The following SPSB1 variants were observed in gnomAD, a reference collection of about 807,000 sequenced individuals.
SPSB1 encodes the protein splA/ryanodine receptor domain and SOCS box containing 1, also known as SPRY domain-containing SOCS box protein 1.
SPSB1 carries 8 observed loss-of-function variants against 21.2 expected under a neutral mutation model. The observed-to-expected ratio is 0.38, with a 90% CI of 0.22 to 0.68. The LOEUF (loss-of-function observed/expected upper bound fraction) is 0.68. Among genes scored for constraint, SPSB1 ranks in the 30% least tolerant of loss-of-function variants. The pLI, the probability that SPSB1 is intolerant of heterozygous loss-of-function variation, is 0.53. For synonymous variants in SPSB1, 169 were observed against 161.7 expected (o/e 1.05, Z -0.34); for missense variants, 242 against 377.8 (o/e 0.64, Z 2.98).
chr1:9,351,023 C>T (rs928903515), intron 1 of SPSB1, among the ~76,000 whole-genome samples: 2 of 152,216 alleles, frequency 1.3e-5, no homozygotes, highest in Non-Finnish European at 2.9e-5. Flanking sequence ...GTGGTACACA[C>T]CCCCTGTCCT....
At position 9,324,460 on chromosome 1, in the gene SPSB1, A is replaced by G. The variant is rs996964350; in HGVS notation, c.-149-31283A>G. ...GGGTGCACATCCCTGGCTGTCCTCC[A>G]TGGTGTCTCTCTGTGCCCAGCCTCT... On this transcript the variant is annotated intron_variant, in intron 1 of 2. Transcript: ENST00000328089. This position sits in a 1 kb window ranked among gnomAD's most constrained non-coding sequence, Gnocchi z 4.3. 2.0e-5 allele frequency among the ~76,000 whole-genome samples: 3 copies of G among 151,544 alleles called. No homozygotes were observed. Among genetic ancestry groups the G allele is most frequent in the African/African-American group, 7.3e-5 (3 of 41,230 alleles).
chr1:9,318,998 G>A (rs937781303), intron 1 of SPSB1, among the ~76,000 whole-genome samples: 4 of 95,386 alleles, frequency 4.2e-5, no homozygotes, highest in Admixed American at 2.1e-4. Flanking sequence ...GCAACATGGC[G>A]AAACCTGTCT....
At chr1:9,294,512 G>A (rs1007851146) in intron 1 of SPSB1, 37 of 152,244 alleles carry the variant, frequency 2.4e-4, no homozygotes, top group African/African-American at 6.8e-4. Context: ...TGCCCCCGAG[G>A]AGAGCGCAGG....
At chr1:9,295,003 G>T (rs1639194418) in intron 1 of SPSB1, among the ~76,000 whole-genome samples, 1 of 152,280 alleles carries the variant, frequency 6.6e-6, no homozygotes. Context: ...CACAGCCAGG[G>T]CTGTGGACCA....
chr1:9,352,920 G>C (rs1171663020), intron 1 of SPSB1, among the ~76,000 whole-genome samples: 1 of 143,752 alleles, frequency 7.0e-6, no homozygotes, highest in African/African-American at 2.5e-5. Context: ...ACGAGATCCC[G>C]GGAGAAAGGT....
intron 1 of SPSB1, among the ~76,000 whole-genome samples, chr1:9,328,595 A>C (rs9651158): frequency 0.084 from 12,839 of 152,246 alleles, 1,618 homozygotes; most frequent in African/African-American, 0.27. Flanking sequence ...GGTAACCCAG[A>C]GGCTGATGAG....
At chr1:9,319,236 G>A (rs867222483) in intron 1 of SPSB1, among the ~76,000 whole-genome samples, 1 of 152,184 alleles carries the variant, frequency 6.6e-6, no homozygotes, top group Admixed American at 6.5e-5. Context: ...CCTGGGAAGT[G>A]GGGGGACCAG....
chr1:9,362,688 G>A (rs1161205441), intron 2 of SPSB1, among the ~76,000 whole-genome samples: 2 of 152,246 alleles, frequency 1.3e-5, no homozygotes, highest in Non-Finnish European at 1.5e-5. Context: ...ATCTCTCGGG[G>A]AACAGTGAGA....
chr1:9,306,927 C>T (rs201679038), intron 1 of SPSB1, among the ~76,000 whole-genome samples: 6 of 32,756 alleles, frequency 1.8e-4, no homozygotes, highest in African/African-American at 4.6e-4. Context: ...TTCTTCTTTT[C>T]TTCTTTTTTT....
chr1:9,292,985 G>T lies in SPSB1; in HGVS notation c.-236G>T. The stretch of plus-strand genomic sequence containing the variant: ...GGGGCCGGGGCCGCGGGGAGGAGGC[G>T]ACTTCGCTCCCTGCGGCGGGCGCGG... On this transcript the variant is annotated 5_prime_UTR_variant, in exon 1 of 3. Transcript: ENST00000328089. The T allele has an allele frequency of 1.0e-6, 1 of 983,206 alleles. No individual in the cohort carries two copies. Among genetic ancestry groups the T allele is most frequent in the South Asian group, 4.6e-5 (1 of 21,690 alleles). The allele number at this position is 983,206 out of a possible 1,614,324, so 60.9% of individuals were successfully genotyped here. A position where few individuals can be genotyped will look rare whatever the true frequency, so the allele number is the denominator to read the frequency against.
intron 1 of SPSB1, among the ~76,000 whole-genome samples, chr1:9,330,050 T>C (rs1342753330): frequency 1.3e-5 from 2 of 152,224 alleles, no homozygotes; most frequent in Non-Finnish European, 2.9e-5. Context: ...ATGGGTCTCT[T>C]ACCTCCATTC....
intron 1 of SPSB1, chr1:9,339,242 A>G: frequency 1.0e-6 from 1 of 985,280 alleles, no homozygotes; most frequent in Non-Finnish European, 1.2e-6. Flanking sequence ...CTTGCCTAGA[A>G]TATTCGAGAA....
chr1:9,354,868 C>T (rs1383465734), intron 1 of SPSB1, among the ~76,000 whole-genome samples: 1 of 152,076 alleles, frequency 6.6e-6, no homozygotes, highest in African/African-American at 2.4e-5. Context: ...AGTGAGATCT[C>T]TCCCCCAACC....
At chr1:9,338,944 G>T (rs189689051) in intron 1 of SPSB1, among the ~76,000 whole-genome samples, 1 of 152,304 alleles carries the variant, frequency 6.6e-6, no homozygotes, top group East Asian at 1.9e-4. Context: ...TGGAAAACCC[G>T]GCCGATTACC....
At chr1:9,358,590 C>T (rs1401762807) in intron 2 of SPSB1, among the ~76,000 whole-genome samples, 1 of 152,230 alleles carries the variant, frequency 6.6e-6, no homozygotes, top group Non-Finnish European at 1.5e-5. Context: ...AGCCCTGACC[C>T]TCAGCCCTGC....
At chr1:9,362,887 A>G (rs1363068614) in intron 2 of SPSB1, among the ~76,000 whole-genome samples, 3 of 152,258 alleles carry the variant, frequency 2.0e-5, no homozygotes, top group Non-Finnish European at 4.4e-5. Context: ...ATTCACAGAA[A>G]TTATTTAAAT....
chr1:9,354,830 C>T (rs1640335829), intron 1 of SPSB1, among the ~76,000 whole-genome samples: 1 of 152,030 alleles, frequency 6.6e-6, no homozygotes, highest in Non-Finnish European at 1.5e-5. Flanking sequence ...CCTGGGCTAC[C>T]AGTGGAGAGG....
chr1:9,340,412 C>T (rs1640071778), intron 1 of SPSB1, among the ~76,000 whole-genome samples: 1 of 150,666 alleles, frequency 6.6e-6, no homozygotes, highest in African/African-American at 2.5e-5. Flanking sequence ...TAGTGCATGT[C>T]AAGGCAAGGC....
chr1:9,325,225 A>ACCACCC (rs1639797114), intron 1 of SPSB1, among the ~76,000 whole-genome samples: 1 of 133,714 alleles, frequency 7.5e-6, no homozygotes, highest in African/African-American at 3.4e-5. Flanking sequence ...TCCCACCACC[A>ACCACCC]CCCCCCCCCC....
Sources: allele counts gnomAD v4.1 joint callset (sites outside exome capture counted in the v4.1 genomes callset), GRCh38; gene constraint gnomAD v4.1.1; non-coding constraint Gnocchi (gnomAD v3.1); transcripts MANE v1.5; gene names NCBI Gene and HGNC (gene_info 2026-07-23, HGNC 2026-07-21).